UBE2E2: variants seen among roughly 807,000 people sequenced by gnomAD.
UBE2E2 encodes ubiquitin-conjugating enzyme E2 E2.
In UBE2E2, 6 loss-of-function variants were observed where a neutral mutation model predicts 24.7. The observed-to-expected ratio is 0.24, with a 90% CI of 0.13 to 0.48. The LOEUF (loss-of-function observed/expected upper bound fraction) is 0.48, where lower values mean the gene tolerates loss of function less well. Among genes scored for constraint, UBE2E2 ranks in the 20% least tolerant of loss-of-function variants. The pLI, the probability that UBE2E2 is intolerant of heterozygous loss-of-function variation, is 0.99. For synonymous variants in UBE2E2, 104 were observed against 83.6 expected (o/e 1.24, Z -1.33); for missense variants, 169 against 245.0 (o/e 0.69, Z 2.07).
At chr3:23,306,109 A>G (rs975720517) in intron 3 of UBE2E2, among the ~76,000 whole-genome samples, 4 of 152,242 alleles carry the variant, frequency 2.6e-5, no homozygotes, top group Non-Finnish European at 5.9e-5. Flanking sequence ...GAAAACATTT[A>G]CTAGCAACCT....
At chr3:23,216,570 G>A (rs1309644935) in intron 2 of UBE2E2, among the ~76,000 whole-genome samples, 4 of 152,114 alleles carry the variant, frequency 2.6e-5, no homozygotes, top group African/African-American at 9.7e-5. Context: ...GCCAAGTATA[G>A]TCTTAGAAAA....
intron 3 of UBE2E2, among the ~76,000 whole-genome samples, chr3:23,371,177 A>G (rs1696390377): frequency 1.3e-5 from 2 of 152,136 alleles, no homozygotes; most frequent in Admixed American, 6.6e-5. Context: ...GTACAGCTGC[A>G]TGCCACCGCA....
At chr3:23,332,677 GTGTGTGTGTGT>G (rs1695094126) in intron 3 of UBE2E2, among the ~76,000 whole-genome samples, 1 of 26,700 alleles carries the variant, frequency 3.7e-5, no homozygotes, top group African/African-American at 6.4e-5. Flanking sequence ...CCAGTGGGGT[GTGTGTGTGTGT>G]GTGTGTGTGT....
intron 2 of UBE2E2, among the ~76,000 whole-genome samples, chr3:23,214,819 C>T (rs1394969496): frequency 6.6e-6 from 1 of 151,608 alleles, no homozygotes; most frequent in African/African-American, 2.4e-5. Context: ...GTTTTTTTAT[C>T]CACCCCCTGC....
chr3:23,541,510 C>T (rs1337856838), intron 5 of UBE2E2, among the ~76,000 whole-genome samples: 1 of 152,192 alleles, frequency 6.6e-6, no homozygotes, highest in African/African-American at 2.4e-5. Flanking sequence ...ATAAGCAGTA[C>T]AAGAGTTTGC....
At chr3:23,255,373 C>T (rs944501578) in intron 3 of UBE2E2, among the ~76,000 whole-genome samples, 3 of 151,926 alleles carry the variant, frequency 2.0e-5, no homozygotes, top group East Asian at 3.9e-4. Context: ...GGATTACAGG[C>T]GTGAGCTACC....
chr3:23,206,333 A>T (rs577781570), intron 1 of UBE2E2, among the ~76,000 whole-genome samples: 3 of 152,250 alleles, frequency 2.0e-5, no homozygotes, highest in Non-Finnish European at 4.4e-5. Flanking sequence ...ATGAGAATTT[A>T]GAGTGAAATA....
rs780264791 is a variant in UBE2E2, at chr3:23,351,429, G to A, written c.227+134117G>A. ...AATGGACTGAATGCTCCAATTAAAA[G>A]ACAGACTGGCAAATTGGATAAAGAG... is the stretch of plus-strand genomic sequence containing the variant. On this transcript the variant is annotated intron_variant, in intron 3 of 5. Coordinates refer to ENST00000396703, the MANE Select transcript of UBE2E2 (RefSeq NM_152653.4). 1.4e-3 allele frequency among the ~76,000 whole-genome samples: 208 copies of A among 151,908 alleles called. 1 individual carries two copies. The highest frequency in any genetic ancestry group is 1.3e-3 in the Non-Finnish European group (85 of 67,826).
rs57543939 is a variant in UBE2E2, at chr3:23,456,714, T to C, written c.228-42894T>C. 6.4e-4 allele frequency among the ~76,000 whole-genome samples: 98 copies of C among 152,330 alleles called. 5 individuals are homozygous for C. The East Asian group carries it at 0.015, about 24-fold the overall frequency. ...AAACAAGTGTGCTGTCATCGCAGCT[T>C]TATATAGCGTAGGTAAAGTTGATTT... On this transcript the variant is annotated intron_variant, in intron 3 of 5. Coordinates refer to ENST00000396703, the MANE Select transcript of UBE2E2 (RefSeq NM_152653.4).
At chr3:23,468,516 C>A (rs1698970335) in intron 3 of UBE2E2, among the ~76,000 whole-genome samples, 1 of 152,120 alleles carries the variant, frequency 6.6e-6, no homozygotes, top group Non-Finnish European at 1.5e-5. Context: ...TATAGTTATA[C>A]TATATCGAGT....
chr3:23,224,156 G>GTTTTTTTTTTTTT (rs531661466), intron 3 of UBE2E2, among the ~76,000 whole-genome samples: 308 of 93,652 alleles, frequency 3.3e-3, no homozygotes, highest in Middle Eastern at 9.8e-3. Context: ...TAAATTTTAG[G>GTTTTTTTTTTTTT]TTTTTTTTTT....
rs555421582 is a variant in UBE2E2 at position 23,203,452 on chromosome 3, A to AT, written c.-21_-20insT. On this transcript the variant is annotated 5_prime_UTR_variant, in exon 1 of 6. Transcript: ENST00000396703. Reference sequence around the variant, plus strand: ...GCTCGAGCCTGCGACCTGCACGGACACCCCCCCCTCAGGTATTCGCTCGGG... The same window carrying AT: ...GCTCGAGCCTGCGACCTGCACGGACATCCCCCCCCTCAGGTATTCGCTCGGG... 4 of 931,074 alleles carry AT rather than the reference A, an allele frequency of 4.3e-6. No individual in the cohort carries two copies. Among genetic ancestry groups the AT allele is most frequent in the Admixed American group, 7.1e-5 (1 of 14,066 alleles). The allele number at this position is 931,074 out of a possible 1,614,324, so 57.7% of individuals were successfully genotyped here. A position where few individuals can be genotyped will look rare whatever the true frequency, so the allele number is the denominator to read the frequency against.
chr3:23,584,580 G>C (rs570914274), intron 5 of UBE2E2, among the ~76,000 whole-genome samples: 4 of 150,896 alleles, frequency 2.7e-5, no homozygotes, highest in Admixed American at 6.6e-5. Flanking sequence ...CTGGAAAGAC[G>C]GTCTCGCTCT....
intron 3 of UBE2E2, among the ~76,000 whole-genome samples, chr3:23,247,771 T>C (rs573705668): frequency 6.6e-6 from 1 of 152,212 alleles, no homozygotes; most frequent in Non-Finnish European, 1.5e-5. Context: ...ACTGCCACTC[T>C]ACCCCAGAAA....
At chr3:23,274,702 ATG>A (rs895681663) in intron 3 of UBE2E2, among the ~76,000 whole-genome samples, 8 of 152,062 alleles carry the variant, frequency 5.3e-5, no homozygotes, top group Non-Finnish European at 1.2e-4. Flanking sequence ...ATTCCTTCAT[ATG>A]TGTGTTCCAC....
intron 3 of UBE2E2, among the ~76,000 whole-genome samples, chr3:23,438,102 G>A (rs1698221624): frequency 6.6e-6 from 1 of 152,172 alleles, no homozygotes; most frequent in Admixed American, 6.5e-5. Context: ...CAGATTGTAG[G>A]ATCACAAACA....
intron 3 of UBE2E2, among the ~76,000 whole-genome samples, chr3:23,401,803 C>T (rs577947555): frequency 6.6e-6 from 1 of 151,402 alleles, no homozygotes; most frequent in South Asian, 2.1e-4. Flanking sequence ...ATCTCAGCCT[C>T]CCGAGTAGCT....
intron 3 of UBE2E2, among the ~76,000 whole-genome samples, chr3:23,221,076 G>A (rs963784071): frequency 6.6e-6 from 1 of 152,246 alleles, no homozygotes; most frequent in Non-Finnish European, 1.5e-5. Flanking sequence ...TACGAGCAGG[G>A]GAATGACAGA....
At chr3:23,528,385 G>C in intron 4 of UBE2E2, among the ~76,000 whole-genome samples, 1 of 152,212 alleles carries the variant, frequency 6.6e-6, no homozygotes, top group Non-Finnish European at 1.5e-5. Flanking sequence ...GGAAAATACA[G>C]AGTAGGGAGT....
Sources: gnomAD v4.1 joint callset for allele counts (sites outside exome capture counted in the v4.1 genomes callset) on GRCh38, gnomAD v4.1.1 for gene constraint, MANE v1.5 for transcripts, NCBI Gene and HGNC (gene_info 2026-07-23, HGNC 2026-07-21) for gene names.